The following OPCML variants were observed in gnomAD, a reference collection of about 807,000 sequenced individuals.
OPCML encodes opioid binding protein/cell adhesion molecule like.
Under a neutral mutation model 37.8 loss-of-function variants are expected in OPCML, and 13 were observed. That is an observed-to-expected ratio of 0.34 (90% CI 0.22 to 0.55). The LOEUF is 0.55. Among genes scored for constraint, OPCML ranks in the 20% least tolerant of loss-of-function variants. The probability of loss-of-function intolerance (pLI) is 0.91; values close to 1 mark genes in which losing one functional copy is unlikely to be tolerated. For missense variants in OPCML, 341 were observed against 435.6 expected, an observed-to-expected ratio of 0.78 and a Z score of 1.93; for synonymous variants, 176 against 168.8, an observed-to-expected ratio of 1.04 and a Z score of -0.33.
intron 1 of OPCML, chr11:133,008,347 A>G: frequency 1.0e-6 from 1 of 985,388 alleles, no homozygotes; most frequent in Non-Finnish European, 1.2e-6. Flanking sequence ...AGAGACCTGA[A>G]AGGAATATGT....
At chr11:132,989,767 C>T (rs540348756) in intron 1 of OPCML, among the ~76,000 whole-genome samples, 1 of 152,128 alleles carries the variant, frequency 6.6e-6, no homozygotes, top group East Asian at 1.9e-4. Context: ...ATAAATAATA[C>T]AATTCTGTGC....
At chr11:133,099,353 C>G (rs543713880) in intron 1 of OPCML, among the ~76,000 whole-genome samples, 1 of 151,790 alleles carries the variant, frequency 6.6e-6, no homozygotes, top group Non-Finnish European at 1.5e-5. Context: ...AGCTCCACCT[C>G]CCAGGTTCAT....
chr11:133,282,777 C>T (rs540001979), intron 1 of OPCML, among the ~76,000 whole-genome samples: 1 of 152,294 alleles, frequency 6.6e-6, no homozygotes, highest in East Asian at 1.9e-4. Flanking sequence ...CAGAGTTTCC[C>T]AAAGGCCTTG....
intron 1 of OPCML, among the ~76,000 whole-genome samples, chr11:132,992,411 T>C (rs1356528301): frequency 6.6e-6 from 1 of 152,214 alleles, no homozygotes; most frequent in Non-Finnish European, 1.5e-5. Flanking sequence ...TCTGTCTCCA[T>C]TTTTATTCAT....
At position 133,339,559 on chromosome 11, in the gene OPCML, C is replaced by T. The variant is rs988152397; in HGVS notation, c.61+192705G>A. ...TCATGGTCTAGTAAAACAAACGATG[C>T]TCAGATTTACCCTTTCTTCCATCTG... On this transcript the variant is annotated intron_variant, in intron 1 of 7. Transcript: ENST00000524381. 1.2e-4 allele frequency among the ~76,000 whole-genome samples: 18 copies of T among 152,316 alleles called. No homozygotes were observed. The South Asian group carries it at 3.1e-3, about 26-fold the overall frequency.
rs575279758 is a variant in OPCML, at chr11:132,557,236, T to C, written c.380-28050A>G. Among the ~76,000 whole-genome samples the C allele has an allele frequency of 9.8e-5, 15 of 152,296 alleles. No homozygotes were observed. The East Asian group carries it at 2.7e-3, about 27-fold the overall frequency. ...TGTCCGTGGGAGCCAGAAACCAATT[T>C]AGATTCTGTACCCAGAGCCGATTGA... On this transcript the variant is annotated intron_variant, in intron 3 of 7. Coordinates refer to ENST00000524381, the MANE Select transcript of OPCML (RefSeq NM_001012393.5).
At chr11:132,915,900 G>A (rs1034797268) in intron 2 of OPCML, among the ~76,000 whole-genome samples, 1 of 152,052 alleles carries the variant, frequency 6.6e-6, no homozygotes, top group Admixed American at 6.6e-5. Context: ...TGTTTTCCCA[G>A]TCTACTGCTT....
At chr11:132,479,084 C>G (rs570186363) in intron 4 of OPCML, among the ~76,000 whole-genome samples, 2 of 152,144 alleles carry the variant, frequency 1.3e-5, no homozygotes, top group South Asian at 2.1e-4. Context: ...GCCTGAGTGA[C>G]GCAGAAGACG....
At chr11:133,527,369 A>C (rs775521675) in intron 1 of OPCML, among the ~76,000 whole-genome samples, 1 of 152,206 alleles carries the variant, frequency 6.6e-6, no homozygotes, top group Non-Finnish European at 1.5e-5. Flanking sequence ...AAAGAAGAAA[A>C]AGCTTAACAA....
intron 1 of OPCML, among the ~76,000 whole-genome samples, chr11:133,292,761 A>T (rs986223602): frequency 6.6e-6 from 1 of 152,204 alleles, no homozygotes; most frequent in African/African-American, 2.4e-5. Context: ...AGGAAAAGTG[A>T]CATTCAGTGA....
intron 1 of OPCML, among the ~76,000 whole-genome samples, chr11:133,460,300 T>C (rs1308308481): frequency 6.6e-6 from 1 of 151,890 alleles, no homozygotes; most frequent in Non-Finnish European, 1.5e-5. Flanking sequence ...CCTAACTTTA[T>C]ATTTTTGGAA....
intron 1 of OPCML, among the ~76,000 whole-genome samples, chr11:133,030,412 C>G (rs1947644925): frequency 6.6e-6 from 1 of 152,168 alleles, no homozygotes; most frequent in Non-Finnish European, 1.5e-5. Flanking sequence ...TGTGCTCATG[C>G]TCTGTCCCTG....
chr11:133,096,281 T>C (rs993549094), intron 1 of OPCML, among the ~76,000 whole-genome samples: 1 of 152,016 alleles, frequency 6.6e-6, no homozygotes, highest in African/African-American at 2.4e-5. Flanking sequence ...TGAATAGGTA[T>C]ATTATTATAT....
intron 3 of OPCML, among the ~76,000 whole-genome samples, chr11:132,582,754 A>G (rs2137646141): frequency 6.6e-6 from 1 of 152,214 alleles, no homozygotes; most frequent in East Asian, 1.9e-4. Context: ...TCAAAGATAA[A>G]GAGGTAATCG....
intron 2 of OPCML, among the ~76,000 whole-genome samples, chr11:132,786,724 TG>T (rs1947224489): frequency 6.6e-6 from 1 of 152,220 alleles, no homozygotes; most frequent in Non-Finnish European, 1.5e-5. Flanking sequence ...TCACCAGATC[TG>T]TGTATAGTAG....
intron 4 of OPCML, among the ~76,000 whole-genome samples, chr11:132,527,272 G>A (rs992186975): frequency 6.6e-6 from 1 of 152,096 alleles, no homozygotes; most frequent in Non-Finnish European, 1.5e-5. Flanking sequence ...TGGGTCGTAC[G>A]CTAAGTGTAT....
At chr11:132,767,280 G>GGTGT (rs558285185) in intron 2 of OPCML, among the ~76,000 whole-genome samples, 34 of 152,082 alleles carry the variant, frequency 2.2e-4, no homozygotes, top group African/African-American at 7.7e-4. Context: ...AGCCCTGGGT[G>GGTGT]GTGTGTGTGT....
At chr11:132,926,278 G>T (rs1390066806) in intron 2 of OPCML, among the ~76,000 whole-genome samples, 2 of 152,124 alleles carry the variant, frequency 1.3e-5, no homozygotes. Context: ...GTTCTGTATT[G>T]ATCTCTGTGA....
At chr11:132,965,843 T>C (rs917769564) in intron 1 of OPCML, among the ~76,000 whole-genome samples, 2 of 152,222 alleles carry the variant, frequency 1.3e-5, no homozygotes, top group African/African-American at 4.8e-5. Flanking sequence ...CACACAACTG[T>C]TGATAGTGTT....
Sources: allele counts gnomAD v4.1 joint callset (sites outside exome capture counted in the v4.1 genomes callset), GRCh38; gene constraint gnomAD v4.1.1; transcripts MANE v1.5; gene names NCBI Gene and HGNC (gene_info 2026-07-23, HGNC 2026-07-21).